GLIS3: variants seen among roughly 807,000 people sequenced by gnomAD.
GLIS3 encodes GLIS family zinc finger 3.
In GLIS3, 53 loss-of-function variants were observed where a neutral mutation model predicts 78.6. That is an observed-to-expected ratio of 0.67 (90% CI 0.54 to 0.85). The LOEUF is 0.85. Among genes scored for constraint, GLIS3 ranks in the 40% least tolerant of loss-of-function variants. The pLI, the probability that GLIS3 is intolerant of heterozygous loss-of-function variation, is 0.00. For missense variants in GLIS3, 1,703 were observed against 1,231.1 expected (o/e 1.38, Z -5.74); for synonymous variants, 684 against 509.9 (o/e 1.34, Z -4.60).
the GLIS3 span, among the ~76,000 whole-genome samples, chr9:4,412,211 G>C: frequency 3.0e-4 from 45 of 152,296 alleles, 1 homozygote; most frequent in African/African-American, 1.0e-3. Context: ...GGCTTATCCT[G>C]CTATGATAGC....
rs116586986 is a variant in GLIS3 at position 4,033,643 on chromosome 9, C to T, written c.1710+84125G>A. 9.2e-3 allele frequency among the ~76,000 whole-genome samples: 1,399 copies of T among 152,210 alleles called. 26 individuals are homozygous for T. Among genetic ancestry groups the T allele is most frequent in the African/African-American group, 0.03 (1,242 of 41,532 alleles). On this transcript the variant is annotated intron_variant, in intron 4 of 10. Coordinates refer to ENST00000381971, the MANE Select transcript of GLIS3 (RefSeq NM_001042413.2). ...GGAGAATCCTAGGCTCCACCCTGGA[C>T]CTATTCAATCAAAATCTCTAGGTGA...
intron 6 of GLIS3, among the ~76,000 whole-genome samples, chr9:3,905,297 T>G (rs1172545945): frequency 6.6e-6 from 1 of 151,902 alleles, no homozygotes; most frequent in Non-Finnish European, 1.5e-5. Context: ...GCCTGACTCT[T>G]TGATATTCTA....
chr9:3,914,814 T>C (rs1344434131), intron 6 of GLIS3, among the ~76,000 whole-genome samples: 1 of 152,200 alleles, frequency 6.6e-6, no homozygotes. Context: ...ATTGAGTAAG[T>C]GACCAGCTGG....
chr9:3,967,090 A>G (rs1818013396), intron 4 of GLIS3, among the ~76,000 whole-genome samples: 2 of 150,822 alleles, frequency 1.3e-5, no homozygotes, highest in Non-Finnish European at 3.0e-5. Context: ...TGTACATGCA[A>G]TTCTTCTTGG....
chr9:4,106,103 T>G (rs566116084), intron 4 of GLIS3, among the ~76,000 whole-genome samples: 1 of 152,166 alleles, frequency 6.6e-6, no homozygotes, highest in Non-Finnish European at 1.5e-5. Flanking sequence ...TGTATCCCAG[T>G]ACACCTTCCA....
At chr9:4,004,051 G>T (rs1356266881) in intron 4 of GLIS3, among the ~76,000 whole-genome samples, 1 of 152,204 alleles carries the variant, frequency 6.6e-6, no homozygotes, top group African/African-American at 2.4e-5. Context: ...GTCAGGTAAA[G>T]TGTTAGAAAC....
Position 3,991,730 on chromosome 9 carries a change from G to T in GLIS3, c.1711-54541C>A, listed in dbSNP as rs754990193. 1.4e-3 allele frequency among the ~76,000 whole-genome samples: 143 copies of T among 104,150 alleles called. No individual in the cohort carries two copies. The South Asian group carries it at 0.019, about 14-fold the overall frequency. The allele number at this position is 104,150 out of a possible 152,430, so 68.3% of individuals were successfully genotyped here. ...TTTTGAGACGGAGTCTCACTCTGTCGCCCAGGCTGGAGTGCAGTGGTGGGA... is the reference window on the plus strand; with the variant it reads ...TTTTGAGACGGAGTCTCACTCTGTCTCCCAGGCTGGAGTGCAGTGGTGGGA... On this transcript the variant is annotated intron_variant, in intron 4 of 10. Coordinates refer to ENST00000381971, the MANE Select transcript of GLIS3 (RefSeq NM_001042413.2).
At position 4,271,798 on chromosome 9, in the gene GLIS3, T is replaced by G. The variant is rs75036410; in HGVS notation, c.388+14240A>C. On this transcript the variant is annotated intron_variant, in intron 2 of 10. Transcript: ENST00000381971. The stretch of plus-strand genomic sequence containing the variant: ...TGCTCACCATAATGCTACCAGAAAC[T>G]AGGCTCTCTGACATCCCAACAGTAC... Among the ~76,000 whole-genome samples the G allele has an allele frequency of 4.6e-5, 7 of 152,242 alleles. No individual in the cohort carries two copies. In the East Asian group the frequency reaches 1.4e-3, roughly 29 times the overall value.
In GLIS3 at chr9:4,105,368, A is replaced by G. The variant is rs190917715; in HGVS notation, c.1710+12400T>C. ...GGCACAGCTGTTTGACAAGTGCAGC[A>G]GGAGCCTGTCAAGACACTTGGCAGC... On this transcript the variant is annotated intron_variant, in intron 4 of 10. Transcript: ENST00000381971. Among the ~76,000 whole-genome samples, 399 of 152,346 alleles carry G rather than the reference A, an allele frequency of 2.6e-3. 1 individual carries two copies. Among genetic ancestry groups the G allele is most frequent in the African/African-American group, 9.1e-3 (379 of 41,588 alleles).
the GLIS3 span, among the ~76,000 whole-genome samples, chr9:4,422,209 T>G: frequency 6.6e-6 from 1 of 152,230 alleles, no homozygotes; most frequent in African/African-American, 2.4e-5. Context: ...GATGATTGTA[T>G]TTCAGTATAA....
chr9:4,035,929 AC>A (rs964807568), intron 4 of GLIS3: 26 of 152,430 alleles, frequency 1.7e-4, no homozygotes, highest in African/African-American at 6.3e-4. Flanking sequence ...CTCAGGTGGA[AC>A]CTCCTGCTGC....
At chr9:3,953,282 G>GT (rs1816822673) in intron 4 of GLIS3, among the ~76,000 whole-genome samples, 1 of 152,090 alleles carries the variant, frequency 6.6e-6, no homozygotes, top group Non-Finnish European at 1.5e-5. Context: ...TGTTTTGTTG[G>GT]TTTTTTGAGA....
At chr9:4,192,723 G>A (rs532572676) in intron 2 of GLIS3, among the ~76,000 whole-genome samples, 2 of 151,092 alleles carry the variant, frequency 1.3e-5, no homozygotes, top group Non-Finnish European at 2.9e-5. Flanking sequence ...TAAGAACACA[G>A]AATAGAACGA....
intron 2 of GLIS3, among the ~76,000 whole-genome samples, chr9:4,255,398 C>G (rs1364355144): frequency 6.6e-6 from 1 of 151,746 alleles, no homozygotes; most frequent in Non-Finnish European, 1.5e-5. Flanking sequence ...GGTCCACACA[C>G]AAAAAAAACC....
chr9:4,207,402 T>C (rs1453048072), intron 2 of GLIS3, among the ~76,000 whole-genome samples: 2 of 152,202 alleles, frequency 1.3e-5, no homozygotes, highest in African/African-American at 2.4e-5. Context: ...CTCCACTGGA[T>C]GGAAAAGAAA....
the GLIS3 span, among the ~76,000 whole-genome samples, chr9:4,463,206 G>T: frequency 3.9e-5 from 6 of 152,156 alleles, no homozygotes; most frequent in Non-Finnish European, 8.8e-5. Context: ...TTTACTAATG[G>T]TGGGGAAAGT....
At chr9:4,409,225 G>A in the GLIS3 span, among the ~76,000 whole-genome samples, 649 of 152,254 alleles carry the variant, frequency 4.3e-3, 5 homozygotes, top group African/African-American at 0.015. Flanking sequence ...TACCAGAATG[G>A]TTATTATCAG....
chr9:3,963,759 C>G (rs1286378746), intron 4 of GLIS3, among the ~76,000 whole-genome samples: 1 of 151,898 alleles, frequency 6.6e-6, no homozygotes, highest in African/African-American at 2.4e-5. Flanking sequence ...TATCGTGAGG[C>G]TGAAGTGGCG....
At position 4,059,829 on chromosome 9, in the gene GLIS3, TGAGA is replaced by T. The variant is rs1004608610; in HGVS notation, c.1710+57935_1710+57938del. ...TTGTGTGTGTGTGTGTGTGTGTGTGTGAGAGAGAGAGAGAGAGAGAGAGAGAGAG... is the reference window on the plus strand; with the variant it reads ...TTGTGTGTGTGTGTGTGTGTGTGTGTGAGAGAGAGAGAGAGAGAGAGAGAG... On this transcript the variant is annotated intron_variant, in intron 4 of 10. Transcript: ENST00000381971. 7.2e-3 allele frequency among the ~76,000 whole-genome samples: 721 copies of T among 100,704 alleles called. 2 individuals carry two copies. The highest frequency in any genetic ancestry group is 0.011 in the East Asian group (34 of 3,012). 66.1% of individuals were successfully genotyped at this position (100,704 alleles called of 152,430 possible). A position where few individuals can be genotyped will look rare whatever the true frequency, so the allele number is the denominator to read the frequency against.
Sources: allele counts gnomAD v4.1 joint callset (sites outside exome capture counted in the v4.1 genomes callset), GRCh38; gene constraint gnomAD v4.1.1; transcripts MANE v1.5; gene names NCBI Gene and HGNC (gene_info 2026-07-23, HGNC 2026-07-21).